EFHD1: variants seen among roughly 807,000 people sequenced by gnomAD.
EFHD1 encodes the protein EF-hand domain family member D1, also known as EF-hand domain-containing protein D1.
EFHD1 carries 10 observed loss-of-function variants against 17.2 expected under a neutral mutation model. That is an observed-to-expected ratio of 0.58 (90% CI 0.36 to 0.99). EFHD1 has a LOEUF of 0.99. EFHD1 is among the 50% of genes least tolerant of loss of function. EFHD1 has a pLI of 0.01. For synonymous variants in EFHD1, 153 were observed against 142.0 expected, an observed-to-expected ratio of 1.08 and a Z score of -0.55; for missense variants, 310 against 327.5, an observed-to-expected ratio of 0.95 and a Z score of 0.41.
At chr2:232,628,094 T>A (rs1694140459) in intron 1 of EFHD1, among the ~76,000 whole-genome samples, 1 of 152,204 alleles carries the variant, frequency 6.6e-6, no homozygotes, top group African/African-American at 2.4e-5. Flanking sequence ...GGAGTCTCAC[T>A]CTGTCGCCCA....
intron 1 of EFHD1, among the ~76,000 whole-genome samples, chr2:232,641,969 G>A (rs1452892945): frequency 1.3e-5 from 2 of 152,262 alleles, no homozygotes; most frequent in East Asian, 1.9e-4. Flanking sequence ...AGGAAGCCTC[G>A]CAGCTGGCGC....
chr2:232,628,524 C>T (rs1170071758), intron 1 of EFHD1, among the ~76,000 whole-genome samples: 1 of 152,156 alleles, frequency 6.6e-6, no homozygotes, highest in Non-Finnish European at 1.5e-5. Context: ...TTTTGCTCTT[C>T]CCTTTCTGGA....
At chr2:232,651,919 A>G (rs1162401150) in intron 1 of EFHD1, among the ~76,000 whole-genome samples, 1 of 140,760 alleles carries the variant, frequency 7.1e-6, no homozygotes, top group Admixed American at 7.2e-5. Context: ...CTGAAAATCA[A>G]GTCTCACTTC....
chr2:232,628,203 G>C (rs1694142861), intron 1 of EFHD1, among the ~76,000 whole-genome samples: 1 of 152,132 alleles, frequency 6.6e-6, no homozygotes, highest in Non-Finnish European at 1.5e-5. Flanking sequence ...TGGGATTACA[G>C]GCACCTGCCA....
At chr2:232,625,415 C>A (rs116337824) in intron 1 of EFHD1, among the ~76,000 whole-genome samples, 334 of 152,168 alleles carry the variant, frequency 2.2e-3, no homozygotes, top group African/African-American at 7.3e-3. Context: ...GCAGGGCAAG[C>A]CACCGTACCC....
At position 232,633,768 on chromosome 2, in the gene EFHD1, A is replaced by G; in HGVS notation, c.64A>G (p.Ser22Gly). Residue 22 changes from serine to glycine, a missense_variant, in exon 1 of 4, where the codon AGT (serine) becomes GGT (glycine). Coordinates refer to ENST00000264059, the MANE Select transcript of EFHD1 (RefSeq NM_025202.4). ...RRLRREEAEE[S>G]GPQLAPLGAP... ...GCTGCGGCGCGAGGAGGCCGAGGAG[A>G]GTGGCCCCCAGCTGGCTCCCCTCGG... is the stretch of plus-strand genomic sequence containing the variant. 1.4e-6 allele frequency: 2 copies of G among 1,466,574 alleles called. No homozygotes were observed. Among genetic ancestry groups the G allele is most frequent in the Middle Eastern group, 2.4e-4 (1 of 4,190 alleles). The allele number at this position is 1,466,574 out of a possible 1,614,324, so 90.8% of individuals were successfully genotyped here.
rs1261749441 is a variant in EFHD1, at chr2:232,637,558, G to T, written c.302+3552G>T. 2.6e-5 allele frequency among the ~76,000 whole-genome samples: 4 copies of T among 152,116 alleles called. No individual in the cohort carries two copies. In the South Asian group the frequency reaches 8.3e-4, roughly 32 times the overall value. Reference sequence around the variant, plus strand: ...GGGGTTTCACCATGTTGGCCAGGCTGGTCTTGAACCCCTGACCTCAAATGA... The same window carrying T: ...GGGGTTTCACCATGTTGGCCAGGCTTGTCTTGAACCCCTGACCTCAAATGA... On this transcript the variant is annotated intron_variant, in intron 1 of 3. Coordinates refer to ENST00000264059, the MANE Select transcript of EFHD1 (RefSeq NM_025202.4).
chr2:232,606,411 C>T lies in EFHD1; in HGVS notation c.14+238C>T, dbSNP rs541238005. Among the ~76,000 whole-genome samples the T allele has an allele frequency of 2.5e-4, 38 of 152,254 alleles. 1 individual carries two copies. Among genetic ancestry groups the T allele is most frequent in the African/African-American group, 8.4e-4 (35 of 41,558 alleles). On this transcript the variant is annotated intron_variant, in intron 1 of 3. Transcript: ENST00000409613. The stretch of plus-strand genomic sequence containing the variant: ...CTAAACTCGAAACTCTTGAGAGACA[C>T]CCCAGCCTGCAGCAATCCCAGGGTG...
rs1017505025 is a variant in EFHD1, at chr2:232,647,651, T to TTTTTTTTTG, written c.302+13647_302+13648insTTTTTTGTT. On this transcript the variant is annotated intron_variant, in intron 1 of 3. Coordinates refer to ENST00000264059, the MANE Select transcript of EFHD1 (RefSeq NM_025202.4). ...GGACTCTCCTGTTAGAACTTTTTTT[T>TTTTTTTTTG]TTGAGACGGAGTTTTGCTCTTGTCG... Among the ~76,000 whole-genome samples, 324 of 151,836 alleles carry TTTTTTTTTG rather than the reference T, an allele frequency of 2.1e-3. 3 individuals carry two copies. The highest frequency in any genetic ancestry group is 0.016 in the Admixed American group (248 of 15,218).
At chr2:232,641,132 T>A (rs2106197845) in intron 1 of EFHD1, among the ~76,000 whole-genome samples, 1 of 152,278 alleles carries the variant, frequency 6.6e-6, no homozygotes, top group South Asian at 2.1e-4. Context: ...AACCTCCACC[T>A]CCCGGGCTCA....
chr2:232,669,974 T>G (rs575229167), intron 2 of EFHD1, among the ~76,000 whole-genome samples: 2 of 152,312 alleles, frequency 1.3e-5, no homozygotes, highest in South Asian at 4.1e-4. Flanking sequence ...GTGCATACAT[T>G]TTAGGTAGCA....
chr2:232,654,103 A>G (rs930389466), intron 1 of EFHD1, among the ~76,000 whole-genome samples: 3 of 151,304 alleles, frequency 2.0e-5, no homozygotes, highest in African/African-American at 7.3e-5. Context: ...GCTACTCGGG[A>G]GGCTGATGCA....
chr2:232,609,032 T>TA (rs973963900), intron 1 of EFHD1, among the ~76,000 whole-genome samples: 1 of 144,654 alleles, frequency 6.9e-6, no homozygotes, highest in Non-Finnish European at 1.5e-5. Flanking sequence ...AAAAAATGTT[T>TA]AAAACATGAG....
chr2:232,640,184 A>T (rs1373037672), intron 1 of EFHD1, among the ~76,000 whole-genome samples: 1 of 152,184 alleles, frequency 6.6e-6, no homozygotes, highest in East Asian at 1.9e-4. Flanking sequence ...ACCTGCCAAG[A>T]CATGGCCTTC....
chr2:232,624,862 T>A (rs1694080282), intron 1 of EFHD1, among the ~76,000 whole-genome samples: 2 of 152,158 alleles, frequency 1.3e-5, no homozygotes, highest in African/African-American at 4.8e-5. Context: ...AGCCCTCAAT[T>A]CACTGTTAGA....
Position 232,672,385 on chromosome 2 carries a change from C to T in EFHD1, c.527C>T (p.Ser176Phe), listed in dbSNP as rs1695090246. 6.2e-7 allele frequency: 1 copy of T among 1,613,934 alleles called. No individual in the cohort carries two copies. The highest frequency in any genetic ancestry group is 1.3e-5 in the African/African-American group (1 of 74,938). Residue 176 changes from serine (S) to phenylalanine (F), a missense_variant, in exon 3 of 4, where the codon TCT becomes TTT. Transcript: ENST00000264059. ...GGGCTGATGGCGCTGGCAAAGCTTT[C>T]TGAGATCGATGTGGCCCTGGAGGGT... ...DSGLMALAKLSEIDVALEGVK... is the reference protein window; with the variant it reads ...DSGLMALAKLFEIDVALEGVK...
At chr2:232,610,506 C>T (rs547630938) in intron 1 of EFHD1, among the ~76,000 whole-genome samples, 10 of 151,976 alleles carry the variant, frequency 6.6e-5, no homozygotes, top group Admixed American at 2.6e-4. Context: ...ACCCAGGAGG[C>T]GGAGCTTGCA....
At chr2:232,656,525 C>T (rs1694765040) in intron 1 of EFHD1, among the ~76,000 whole-genome samples, 1 of 151,638 alleles carries the variant, frequency 6.6e-6, no homozygotes, top group Non-Finnish European at 1.5e-5. Context: ...GCCTCGACCT[C>T]CCAGGCTTGA....
At chr2:232,672,226 A>C in intron 2 of EFHD1, 83 bp from the exon 3 acceptor site, 1 of 1,573,410 alleles carries the variant, frequency 6.4e-7, no homozygotes, top group Non-Finnish European at 8.7e-7. Context: ...TGATTGGCAG[A>C]GTGACTTCAG....
Sources: allele counts gnomAD v4.1 joint callset (sites outside exome capture counted in the v4.1 genomes callset), GRCh38; gene constraint gnomAD v4.1.1; transcripts MANE v1.5; gene names NCBI Gene and HGNC (gene_info 2026-07-23, HGNC 2026-07-21).